KANK4: variants seen among roughly 807,000 people sequenced by gnomAD.
KANK4 encodes KN motif and ankyrin repeat domain-containing protein 4.
In KANK4, 50 loss-of-function variants were observed where a neutral mutation model predicts 80.8. The observed-to-expected ratio is 0.62, with a 90% CI of 0.49 to 0.78. The LOEUF (loss-of-function observed/expected upper bound fraction) is 0.78. Ranked by LOEUF, KANK4 falls within the 30% of genes least tolerant of loss-of-function variation. The pLI, the probability that KANK4 is intolerant of heterozygous loss-of-function variation, is 0.00. For synonymous variants in KANK4, 465 were observed against 506.9 expected, an observed-to-expected ratio of 0.92 and a Z score of 1.11; for missense variants, 1,196 against 1,240.1, an observed-to-expected ratio of 0.96 and a Z score of 0.53.
intron 1 of KANK4, among the ~76,000 whole-genome samples, chr1:62,291,434 T>C (rs1672676108): frequency 6.6e-6 from 1 of 152,208 alleles, no homozygotes; most frequent in African/African-American, 2.4e-5. Flanking sequence ...TTTTTTTGTA[T>C]AATTTAACTA....
Position 62,274,081 on chromosome 1 carries a change from G to C in KANK4, c.1023C>G (p.Ser341Arg), listed in dbSNP as rs1472098526. 4 of 1,614,058 alleles carry C rather than the reference G, an allele frequency of 2.5e-6. No individual in the cohort carries two copies. The highest frequency in any genetic ancestry group is 2.2e-5 in the East Asian group (1 of 44,884). The change falls in exon 3 of 10, where the codon AGC becomes AGG. Residue 341 changes from serine (S) to arginine (R), a missense_variant. Ser to Arg is a moderately radical substitution (Grantham distance 110). This residue lies in a region of KANK4 where 1,154 missense variants were observed against 1,179.6 expected (regional missense o/e 0.98). Transcript: ENST00000371153. ...AGACCTGCTGTTTCAGGCTGGAGAT[G>C]CTGCCTGGATCCACCCTGGCAAGGC... is the stretch of plus-strand genomic sequence containing the variant. Reference protein sequence around the residue: ...SLGLARVDPGSISSLKQQVSA... With the variant: ...SLGLARVDPGRISSLKQQVSA...
rs1385256276 is a variant in KANK4, at chr1:62,238,349, C to A, written c.2916G>T (p.Lys972Asn). 3 of 1,614,028 alleles carry A rather than the reference C, an allele frequency of 1.9e-6. No homozygotes were observed. The South Asian group carries it at 3.3e-5, about 18-fold the overall frequency. ...CAGCAATTTCCATATGGGTGGGTGA[C>A]TTCAGAGCGATGGACAAAGCTGTGC... ...AGRTALSIAL[K>N]SPTHMEIAGL... The change falls in exon 10 of 10, where the codon AAG becomes AAT. Residue 972 changes from lysine (K) to asparagine (N), a missense_variant. Transcript: ENST00000371153.
At chr1:62,256,125 ATTC>A (rs777061199) in intron 7 of KANK4, among the ~76,000 whole-genome samples, 32 of 152,172 alleles carry the variant, frequency 2.1e-4, no homozygotes, top group Non-Finnish European at 4.0e-4. Context: ...GCCCAAGACA[ATTC>A]TTCTTCTTCC....
intron 2 of KANK4, among the ~76,000 whole-genome samples, chr1:62,279,219 CACACACACACACACACACACACAG>C (rs1672397086): frequency 6.6e-6 from 1 of 151,850 alleles, no homozygotes; most frequent in Non-Finnish European, 1.5e-5. Flanking sequence ...CACACACACA[CACACACACACACACACACACACAG>C]AGTGATCCAT....
chr1:62,249,382 G>GT (rs1671555093), intron 8 of KANK4, among the ~76,000 whole-genome samples: 1 of 147,786 alleles, frequency 6.8e-6, no homozygotes, highest in Non-Finnish European at 1.5e-5. Context: ...ATATATACAT[G>GT]TATTTTTTTT....
intron 1 of KANK4, among the ~76,000 whole-genome samples, chr1:62,307,757 G>T (rs577730921): frequency 7.1e-6 from 1 of 141,628 alleles, no homozygotes; most frequent in African/African-American, 2.7e-5. Context: ...TGCCAGACCT[G>T]ATTTTTTTTT....
chr1:62,297,085 T>C (rs1335846947), intron 1 of KANK4, among the ~76,000 whole-genome samples: 12 of 151,778 alleles, frequency 7.9e-5, no homozygotes. Flanking sequence ...GGTGTGGTGA[T>C]GCGCACCGAT....
In KANK4 at chr1:62,273,835, C is replaced by A. The variant is rs1672233126; in HGVS notation, c.1269G>T (p.Leu423Phe). Residue 423 changes from leucine to phenylalanine, a missense_variant, in exon 3 of 10, where the codon TTG becomes TTT. Leu to Phe is a conservative substitution (Grantham distance 22). This residue lies in a region of KANK4 where 1,154 missense variants were observed against 1,179.6 expected (regional missense o/e 0.98). Transcript: ENST00000371153. ...MVNTDPVHGLLTRESCDKGIE... is the reference protein window; with the variant it reads ...MVNTDPVHGLFTRESCDKGIE... ...TGCCCTTATCACACGACTCCCTGGT[C>A]AAGAGTCCATGGACAGGGTCAGTGT... 1 of 1,614,186 alleles carries A rather than the reference C, an allele frequency of 6.2e-7. No individual in the cohort carries two copies. The highest frequency in any genetic ancestry group is 8.5e-7 in the Non-Finnish European group (1 of 1,180,034).
chr1:62,312,039 C>T (rs573070457), intron 1 of KANK4, among the ~76,000 whole-genome samples: 1 of 151,924 alleles, frequency 6.6e-6, no homozygotes, highest in Non-Finnish European at 1.5e-5. Context: ...ACTGGTGAAG[C>T]CTATGGACTC....
At chr1:62,277,190 T>C (rs1420261282) in intron 2 of KANK4, among the ~76,000 whole-genome samples, 1 of 152,232 alleles carries the variant, frequency 6.6e-6, no homozygotes, top group African/African-American at 2.4e-5. Flanking sequence ...TGCATGCTTA[T>C]AGTACAGGCT....
At chr1:62,293,105 TGA>T (rs1553132513) in intron 1 of KANK4, among the ~76,000 whole-genome samples, 1 of 144,016 alleles carries the variant, frequency 6.9e-6, no homozygotes, top group East Asian at 2.0e-4. Flanking sequence ...TGTGTGTGTG[TGA>T]GACAGAGTGT....
At chr1:62,252,520 T>A (rs1046861742) in intron 8 of KANK4, among the ~76,000 whole-genome samples, 1 of 152,264 alleles carries the variant, frequency 6.6e-6, no homozygotes, top group Non-Finnish European at 1.5e-5. Context: ...AGCTGAGGCC[T>A]GGAAAGTGGG....
intron 7 of KANK4, among the ~76,000 whole-genome samples, chr1:62,257,875 C>T (rs1671788351): frequency 6.6e-6 from 1 of 152,180 alleles, no homozygotes; most frequent in Admixed American, 6.5e-5. Flanking sequence ...GATATTTATA[C>T]CACCCAAATT....
chr1:62,270,384 T>C (rs542009914), intron 4 of KANK4, among the ~76,000 whole-genome samples: 1 of 148,954 alleles, frequency 6.7e-6, no homozygotes, highest in African/African-American at 2.6e-5. Context: ...TTCTTTGCTT[T>C]GCTTTTTTTT....
rs763255620 is a variant in KANK4 at position 62,266,683 on chromosome 1, G to A, written c.2319+49C>T. 23 of 1,297,016 alleles carry A rather than the reference G, an allele frequency of 1.8e-5. 1 individual carries two copies. In the East Asian group the frequency reaches 2.3e-4, roughly 13 times the overall value. 80.3% of individuals were successfully genotyped at this position (1,297,016 alleles called of 1,614,324 possible). A position where few individuals can be genotyped will look rare whatever the true frequency, so the allele number is the denominator to read the frequency against. ...CCAAAGTCACCCTGGCAGAGCTAAC[G>A]TCTTAAACAGAAGGGAAATCTTTAC... On this transcript the variant is annotated intron_variant, in intron 6 of 9. Coordinates refer to ENST00000371153, the MANE Select transcript of KANK4 (RefSeq NM_181712.5).
intron 1 of KANK4, among the ~76,000 whole-genome samples, chr1:62,316,964 T>G (rs552313362): frequency 1.3e-5 from 2 of 152,278 alleles, no homozygotes; most frequent in Admixed American, 1.3e-4. Context: ...AAACCTTATG[T>G]TTAATGCCGA....
At chr1:62,302,724 C>T (rs1178526465) in intron 1 of KANK4, among the ~76,000 whole-genome samples, 2 of 152,102 alleles carry the variant, frequency 1.3e-5, no homozygotes, top group African/African-American at 4.8e-5. Context: ...AGCGCTTTGA[C>T]CCAGGACTTC....
Position 62,247,467 on chromosome 1 carries a change from C to T in KANK4, c.2883+5G>A, listed in dbSNP as rs759870094. On this transcript the variant is annotated splice_donor_5th_base_variant and intron_variant, in intron 9 of 9. Coordinates refer to ENST00000371153, the MANE Select transcript of KANK4 (RefSeq NM_181712.5). ...AGCTACTTGTTAATTGCCTGTAAGTCTCACCTTGTCAGTCAGGCTGCTGTC... is the reference window on the plus strand; with the variant it reads ...AGCTACTTGTTAATTGCCTGTAAGTTTCACCTTGTCAGTCAGGCTGCTGTC... The T allele has an allele frequency of 7.4e-6, 12 of 1,613,548 alleles. No homozygotes were observed. Among genetic ancestry groups the T allele is most frequent in the Non-Finnish European group, 1.0e-5 (12 of 1,179,954 alleles).
Position 62,263,287 on chromosome 1 carries a change from G to GGGT in KANK4, c.2343_2344insACC (p.Ser781_Gln782insThr). ...CGGCTGGAGACGCGGAACCACTCTT[G>GGGT]ACTGATGGTGTTCAAGCTTTGCCTC... On this transcript the variant is annotated inframe_insertion, in exon 7 of 10. Coordinates refer to ENST00000371153, the MANE Select transcript of KANK4 (RefSeq NM_181712.5). The GGGT allele has an allele frequency of 1.2e-6, 2 of 1,613,314 alleles. No homozygotes were observed. The highest frequency in any genetic ancestry group is 2.7e-5 in the African/African-American group (2 of 75,022).
Sources: gnomAD v4.1 joint callset for allele counts (sites outside exome capture counted in the v4.1 genomes callset) on GRCh38, gnomAD v4.1.1 for gene constraint, gnomAD v4.1.1 regional missense constraint, MANE v1.5 for transcripts, NCBI Gene and HGNC (gene_info 2026-07-23, HGNC 2026-07-21) for gene names.